Variants in SYN2 observed in about 807,000 individuals in gnomAD.
SYN2 encodes the protein synapsin II, also known as synapsin-2.
A neutral mutation model predicts 50.9 loss-of-function variants in SYN2; 19 were observed. The observed-to-expected ratio is 0.37, with a 90% CI of 0.26 to 0.55. The LOEUF is 0.55. SYN2 is among the 20% of genes least tolerant of loss of function. The probability of loss-of-function intolerance (pLI) is 0.81; values close to 1 mark genes in which losing one functional copy is unlikely to be tolerated. For synonymous variants in SYN2, 255 were observed against 224.9 expected (o/e 1.13, Z -1.20); for missense variants, 587 against 576.4 (o/e 1.02, Z -0.19).
chr3:12,154,550 T>A, intron 5 of SYN2: 1 of 1,405,240 alleles, frequency 7.1e-7, no homozygotes, highest in Non-Finnish European at 9.7e-7. Flanking sequence ...GCCTCCCCAA[T>A]GACTTTGGTG....
At chr3:12,062,225 A>T (rs1279877134) in intron 1 of SYN2, among the ~76,000 whole-genome samples, 1 of 152,048 alleles carries the variant, frequency 6.6e-6, no homozygotes, top group Non-Finnish European at 1.5e-5. Flanking sequence ...ACTCACACAG[A>T]TAATAATCAA....
At chr3:12,087,098 G>T (rs1695718587) in intron 1 of SYN2, among the ~76,000 whole-genome samples, 1 of 151,972 alleles carries the variant, frequency 6.6e-6, no homozygotes, top group South Asian at 2.1e-4. Context: ...TAAGAAAACA[G>T]TCCCACTTAC....
intron 7 of SYN2, 72 bp downstream of exon 7, chr3:12,162,226 C>G (rs1697671488): frequency 6.4e-6 from 10 of 1,560,232 alleles, no homozygotes; most frequent in Non-Finnish European, 8.7e-6. Flanking sequence ...GCAGCCAACT[C>G]TCAGATAACA....
rs149220597 is a variant in SYN2, at chr3:12,008,158, C to T, written c.377+3230C>T. ...TTATACTCTCACCAGCGAAGAGATA[C>T]GTTTTCTCTCAGATTCTGTCCTGCC... is the stretch of plus-strand genomic sequence containing the variant. On this transcript the variant is annotated intron_variant, in intron 1 of 12. Coordinates refer to ENST00000621198, the MANE Select transcript of SYN2 (RefSeq NM_133625.6). Among the ~76,000 whole-genome samples the T allele has an allele frequency of 6.6e-4, 100 of 152,238 alleles. No individual in the cohort carries two copies. In the East Asian group the frequency reaches 0.017, roughly 26 times the overall value.
intron 1 of SYN2, among the ~76,000 whole-genome samples, chr3:12,099,889 C>T (rs402122): frequency 0.72 from 106,485 of 147,452 alleles, 39,334 homozygotes; most frequent in East Asian, 0.82. Context: ...GGCGTGAACC[C>T]GGGAGGCGGA....
chr3:12,181,718 A>G (rs1455207873), intron 10 of SYN2, among the ~76,000 whole-genome samples: 1 of 152,250 alleles, frequency 6.6e-6, no homozygotes, highest in Non-Finnish European at 1.5e-5. Flanking sequence ...TAGATTGGAA[A>G]GAAAAAGATG....
chr3:12,064,005 GA>G (rs34029888), intron 1 of SYN2, among the ~76,000 whole-genome samples: 97,307 of 151,640 alleles, frequency 0.64, 33,746 homozygotes, highest in South Asian at 0.78. Context: ...TTACATTGGA[GA>G]AACCTGACAA....
At chr3:12,038,867 T>G (rs1370794983) in intron 1 of SYN2, among the ~76,000 whole-genome samples, 1 of 152,194 alleles carries the variant, frequency 6.6e-6, no homozygotes, top group Non-Finnish European at 1.5e-5. Context: ...AATAAAAATT[T>G]TACTTCTTCT....
chr3:12,153,458 G>A, intron 5 of SYN2: 1 of 1,594,946 alleles, frequency 6.3e-7, no homozygotes, highest in East Asian at 2.2e-5. Flanking sequence ...CTGCAGGGAA[G>A]GAGAACTGGC....
At chr3:12,019,974 A>T (rs890459006) in intron 1 of SYN2, among the ~76,000 whole-genome samples, 4 of 152,200 alleles carry the variant, frequency 2.6e-5, no homozygotes, top group African/African-American at 9.7e-5. Flanking sequence ...AGCACCAGGG[A>T]TAGATAAAAA....
Position 12,139,864 on chromosome 3 carries a change from G to A in SYN2, c.378-787G>A, listed in dbSNP as rs187481144. 1.3e-3 allele frequency among the ~76,000 whole-genome samples: 195 copies of A among 152,322 alleles called. 1 individual carries two copies. Among genetic ancestry groups the A allele is most frequent in the African/African-American group, 4.5e-3 (186 of 41,576 alleles). ...GTGGGGAGGGCAGGTTAGAAGCAAAGTAGGAATTAATATAAATATAAGCAT... is the reference window on the plus strand; with the variant it reads ...GTGGGGAGGGCAGGTTAGAAGCAAAATAGGAATTAATATAAATATAAGCAT... On this transcript the variant is annotated intron_variant, in intron 1 of 12. Transcript: ENST00000621198.
At chr3:12,151,136 C>T in intron 4 of SYN2, 101 bp from the exon 5 acceptor site, 1 of 813,206 alleles carries the variant, frequency 1.2e-6, no homozygotes, top group South Asian at 1.5e-5. Flanking sequence ...AGCATAAAGT[C>T]CTCCACAGAG....
intron 10 of SYN2, among the ~76,000 whole-genome samples, chr3:12,170,687 C>T (rs912067130): frequency 6.6e-6 from 1 of 152,246 alleles, no homozygotes; most frequent in African/African-American, 2.4e-5. Context: ...AACCTTAAGT[C>T]TAGCTCTTCC....
At chr3:12,017,285 A>G (rs1694045486) in intron 1 of SYN2, among the ~76,000 whole-genome samples, 2 of 152,222 alleles carry the variant, frequency 1.3e-5, no homozygotes, top group Admixed American at 1.3e-4. Context: ...ATTTTGTGAC[A>G]GGCAGGCACT....
chr3:12,153,455 G>C, intron 5 of SYN2: 2 of 1,590,100 alleles, frequency 1.3e-6, no homozygotes, highest in East Asian at 4.5e-5. Context: ...GCTCTGCAGG[G>C]AAGGAGAACT....
intron 1 of SYN2, among the ~76,000 whole-genome samples, chr3:12,108,857 T>TC (rs1553615608): frequency 5.9e-5 from 9 of 151,372 alleles, no homozygotes; most frequent in Non-Finnish European, 1.0e-4. Context: ...TTTTTTTTTT[T>TC]CCAGTTTTTC....
chr3:12,095,072 C>T (rs1695901594), intron 1 of SYN2, among the ~76,000 whole-genome samples: 1 of 152,008 alleles, frequency 6.6e-6, no homozygotes, highest in Non-Finnish European at 1.5e-5. Context: ...ACTTCAACAC[C>T]AGCAGACAGG....
At chr3:12,161,643 A>T (rs1218915353) in intron 6 of SYN2, 35 bp downstream of exon 6, 1 of 1,612,668 alleles carries the variant, frequency 6.2e-7, no homozygotes, top group African/African-American at 1.3e-5. Flanking sequence ...TTCAGGGTTG[A>T]ACCAAGAAGG....
intron 7 of SYN2, among the ~76,000 whole-genome samples, chr3:12,164,984 CTTTTTTTTTTTT>C (rs68043865): frequency 1.1e-5 from 1 of 92,344 alleles, no homozygotes; most frequent in African/African-American, 3.8e-5. Flanking sequence ...TTTTTCTTTT[CTTTTTTTTTTTT>C]TTTTTTTTTG....
Sources: gnomAD v4.1 joint callset for allele counts (sites outside exome capture counted in the v4.1 genomes callset) on GRCh38, gnomAD v4.1.1 for gene constraint, MANE v1.5 for transcripts, NCBI Gene and HGNC (gene_info 2026-07-23, HGNC 2026-07-21) for gene names.